Variants in CHST11 observed in about 807,000 individuals in gnomAD.
The protein encoded by CHST11 is C4S-1.
A neutral mutation model predicts 30.4 loss-of-function variants in CHST11; 9 were observed. The observed-to-expected ratio is 0.30, with a 90% confidence interval of 0.18 to 0.52. The LOEUF is 0.52. CHST11 is among the 20% of genes least tolerant of loss of function. CHST11 has a pLI of 0.97. For synonymous variants in CHST11, 152 were observed against 187.8 expected, an observed-to-expected ratio of 0.81 and a Z score of 1.56; for missense variants, 348 against 460.6, an observed-to-expected ratio of 0.76 and a Z score of 2.24.
At position 104,709,634 on chromosome 12, in the gene CHST11, C is replaced by G. The variant is rs1293839672; in HGVS notation, c.205-47315C>G. Among the ~76,000 whole-genome samples the G allele has an allele frequency of 4.6e-5, 7 of 152,258 alleles. No homozygotes were observed. In the East Asian group the frequency reaches 1.4e-3, roughly 29 times the overall value. On this transcript the variant is annotated intron_variant, in intron 2 of 2. Transcript: ENST00000303694. ...AGACTAGGAAGCTGCAGAGTTCAGC[C>G]AGCCCATGCGGTTCTTTCATTAAGA...
At chr12:104,528,766 C>A (rs1045237056) in intron 1 of CHST11, among the ~76,000 whole-genome samples, 3 of 152,156 alleles carry the variant, frequency 2.0e-5, no homozygotes, top group Admixed American at 6.5e-5. Context: ...CATTTTAAAA[C>A]CCTGGGAAAG....
At chr12:104,545,822 G>T (rs1322709904) in intron 1 of CHST11, among the ~76,000 whole-genome samples, 1 of 100,646 alleles carries the variant, frequency 9.9e-6, no homozygotes, top group African/African-American at 3.1e-5. Context: ...TCTCTCTCTT[G>T]CTCTCTGTCT....
intron 1 of CHST11, among the ~76,000 whole-genome samples, chr12:104,461,525 C>T (rs527755278): frequency 6.6e-6 from 1 of 152,324 alleles, no homozygotes; most frequent in South Asian, 2.1e-4. Context: ...GCTGCATTGG[C>T]ACAGAGTGTG....
At chr12:104,540,249 C>CA (rs2038274354) in intron 1 of CHST11, among the ~76,000 whole-genome samples, 2 of 151,864 alleles carry the variant, frequency 1.3e-5, no homozygotes, top group South Asian at 4.2e-4. Context: ...TTGTACAGGA[C>CA]AAAAAGTCAT....
rs539037278 is a variant in CHST11 at position 104,659,751 on chromosome 12, A to G, written c.204+57760A>G. 5.3e-4 allele frequency among the ~76,000 whole-genome samples: 80 copies of G among 152,248 alleles called. 1 individual carries two copies. The highest frequency in any genetic ancestry group is 1.7e-3 in the African/African-American group (72 of 41,552). ...GAGGCCAAGGCAGAAGGATTGCTTG[A>G]GGCCAGAAGTTCGAGACCAGCCTGG... On this transcript the variant is annotated intron_variant, in intron 2 of 2. Transcript: ENST00000303694.
intron 2 of CHST11, among the ~76,000 whole-genome samples, chr12:104,702,959 G>A (rs961119072): frequency 1.3e-5 from 2 of 152,182 alleles, no homozygotes; most frequent in African/African-American, 4.8e-5. Flanking sequence ...AGCCTGGAGG[G>A]GACGGCAGGC....
At chr12:104,581,357 T>A (rs1028311300) in intron 1 of CHST11, among the ~76,000 whole-genome samples, 6 of 152,258 alleles carry the variant, frequency 3.9e-5, no homozygotes, top group Admixed American at 6.5e-5. Context: ...TATATGTATA[T>A]CTGTGTTTAT....
At chr12:104,485,306 G>A (rs557193572) in intron 1 of CHST11, among the ~76,000 whole-genome samples, 2 of 152,314 alleles carry the variant, frequency 1.3e-5, no homozygotes, top group African/African-American at 4.8e-5. Context: ...TCGGGAACAC[G>A]AAGGCACGAC....
chr12:104,710,347 G>A (rs577444320), intron 2 of CHST11, among the ~76,000 whole-genome samples: 54 of 152,354 alleles, frequency 3.5e-4, no homozygotes, highest in South Asian at 1.0e-3. Flanking sequence ...GGTGCTGGCT[G>A]TCTCCAGACT....
rs188185819 is a variant in CHST11, at chr12:104,644,194, C to T, written c.204+42203C>T. Among the ~76,000 whole-genome samples, 8 of 152,282 alleles carry T rather than the reference C, an allele frequency of 5.3e-5. No individual in the cohort carries two copies. The East Asian group carries it at 1.5e-3, about 29-fold the overall frequency. ...GAAATCTCTGCCGCAGCCACCCTCC[C>T]AGCGTGCACCTCCTGGATATCTGTC... On this transcript the variant is annotated intron_variant, in intron 2 of 2. Transcript: ENST00000303694.
chr12:104,662,100 C>T (rs745648869), intron 2 of CHST11, among the ~76,000 whole-genome samples: 5 of 152,136 alleles, frequency 3.3e-5, no homozygotes, highest in African/African-American at 4.8e-5. Flanking sequence ...GTCAAGGATA[C>T]GTGTTGGTAA....
intron 1 of CHST11, among the ~76,000 whole-genome samples, chr12:104,562,760 G>A (rs952936475): frequency 2.0e-5 from 3 of 152,204 alleles, no homozygotes; most frequent in Non-Finnish European, 4.4e-5. Context: ...GCTACGTTGA[G>A]TTAGGGCTGA....
intron 1 of CHST11, among the ~76,000 whole-genome samples, chr12:104,460,052 A>T (rs919737575): frequency 7.2e-5 from 11 of 152,196 alleles, no homozygotes; most frequent in Non-Finnish European, 1.5e-4. Flanking sequence ...TTATTAAGCT[A>T]CACTGTTAAT....
chr12:104,614,521 G>A (rs1443293712), intron 2 of CHST11, among the ~76,000 whole-genome samples: 1 of 152,022 alleles, frequency 6.6e-6, no homozygotes, highest in African/African-American at 2.4e-5. Context: ...CTCCAGCCTG[G>A]TTGGATTTTT....
intron 2 of CHST11, among the ~76,000 whole-genome samples, chr12:104,657,938 C>T (rs925606524): frequency 9.2e-5 from 14 of 152,142 alleles, no homozygotes; most frequent in South Asian, 2.1e-4. Context: ...CTTCAGTTGA[C>T]GGAGGGGGAT....
chr12:104,739,373 G>T (rs965994887), intron 2 of CHST11, among the ~76,000 whole-genome samples: 1 of 152,088 alleles, frequency 6.6e-6, no homozygotes, highest in African/African-American at 2.4e-5. Context: ...GACTTCTCTC[G>T]GCCAGTGTAT....
At chr12:104,733,073 A>T (rs1254492219) in intron 2 of CHST11, among the ~76,000 whole-genome samples, 1 of 152,192 alleles carries the variant, frequency 6.6e-6, no homozygotes, top group Non-Finnish European at 1.5e-5. Flanking sequence ...CAGTGAGGTG[A>T]TGTGTGCAAG....
At chr12:104,722,155 A>AGTGTGTGTGTGTGTGTGT (rs57545833) in intron 2 of CHST11, among the ~76,000 whole-genome samples, 2,951 of 137,530 alleles carry the variant, frequency 0.021, 141 homozygotes, top group African/African-American at 0.066. Flanking sequence ...CACTCAGCTA[A>AGTGTGTGTGTGTGTGTGT]GTGTGTGTGT....
chr12:104,643,608 C>T (rs887939570), intron 2 of CHST11, among the ~76,000 whole-genome samples: 5 of 150,730 alleles, frequency 3.3e-5, no homozygotes, highest in South Asian at 2.1e-4. Context: ...ATTTGAGGAA[C>T]TTAAGAGGAC....
Sources: allele counts gnomAD v4.1 joint callset (sites outside exome capture counted in the v4.1 genomes callset), GRCh38; gene constraint gnomAD v4.1.1; transcripts MANE v1.5; gene names NCBI Gene and HGNC (gene_info 2026-07-23, HGNC 2026-07-21).